Variants in PPFIA2 observed in about 807,000 individuals in gnomAD.
PPFIA2 encodes liprin-alpha-2.
Under a neutral mutation model 175.5 loss-of-function variants are expected in PPFIA2, and 46 were observed. The observed-to-expected ratio is 0.26, with a 90% CI of 0.21 to 0.34. PPFIA2 has a LOEUF of 0.34. PPFIA2 is among the 10% of genes least tolerant of loss of function. PPFIA2 has a pLI of 1.00. For missense variants in PPFIA2, 1,179 were observed against 1,506.1 expected (o/e 0.78, Z 3.60); for synonymous variants, 568 against 511.4 (o/e 1.11, Z -1.49).
chr12:81,461,288 A>T (rs1456653708), intron 4 of PPFIA2, among the ~76,000 whole-genome samples: 1 of 152,044 alleles, frequency 6.6e-6, no homozygotes, highest in Non-Finnish European at 1.5e-5. Context: ...GTGATGAATA[A>T]CTTGTTCAAG....
At chr12:81,299,852 T>C (rs2047382969) in intron 22 of PPFIA2, among the ~76,000 whole-genome samples, 1 of 152,124 alleles carries the variant, frequency 6.6e-6, no homozygotes, top group African/African-American at 2.4e-5. Context: ...TCTAGTGATG[T>C]GGTTGATTTT....
intron 22 of PPFIA2, chr12:81,312,193 G>A: frequency 6.5e-7 from 1 of 1,532,328 alleles, no homozygotes; most frequent in Non-Finnish European, 8.7e-7. Context: ...GAGAAGGACG[G>A]ATGGAAAAGA....
chr12:81,294,275 A>AC (rs1489183360), intron 24 of PPFIA2, among the ~76,000 whole-genome samples: 5 of 152,048 alleles, frequency 3.3e-5, no homozygotes, highest in Admixed American at 6.6e-5. Flanking sequence ...TTTCACATGT[A>AC]CCCCCTGAAT....
At chr12:81,311,452 G>C (rs915872165) in intron 22 of PPFIA2, among the ~76,000 whole-genome samples, 1 of 152,084 alleles carries the variant, frequency 6.6e-6, no homozygotes, top group Admixed American at 6.5e-5. Flanking sequence ...AGGTAGAGGC[G>C]GCCCGGCGTG....
intron 4 of PPFIA2, among the ~76,000 whole-genome samples, chr12:81,605,316 C>T (rs1319618699): frequency 6.6e-6 from 1 of 150,978 alleles, no homozygotes; most frequent in African/African-American, 2.4e-5. Flanking sequence ...AATGGTCATA[C>T]TGAAAGAACA....
intron 4 of PPFIA2, among the ~76,000 whole-genome samples, chr12:81,516,499 G>T (rs75058915): frequency 2.6e-5 from 4 of 152,108 alleles, no homozygotes; most frequent in Non-Finnish European, 4.4e-5. Flanking sequence ...CTTTGCAGAC[G>T]TTAAAAATAA....
intron 4 of PPFIA2, among the ~76,000 whole-genome samples, chr12:81,570,687 A>C (rs1029555190): frequency 4.0e-5 from 6 of 149,644 alleles, no homozygotes; most frequent in Admixed American, 4.0e-4. Flanking sequence ...TTAAAAAATA[A>C]TTTTATAATT....
intron 28 of PPFIA2, among the ~76,000 whole-genome samples, chr12:81,271,002 T>G (rs1467738680): frequency 6.6e-6 from 1 of 152,214 alleles, no homozygotes; most frequent in Non-Finnish European, 1.5e-5. Context: ...AGAATCACAG[T>G]AGCTTTGGTT....
At chr12:81,638,116 T>C (rs537804809) in intron 4 of PPFIA2, among the ~76,000 whole-genome samples, 4 of 152,298 alleles carry the variant, frequency 2.6e-5, no homozygotes, top group African/African-American at 9.6e-5. Context: ...TTATTCTTCC[T>C]TCTTCTTGTC....
At chr12:81,741,440 T>C (rs1379336232) in intron 3 of PPFIA2, among the ~76,000 whole-genome samples, 1 of 152,162 alleles carries the variant, frequency 6.6e-6, no homozygotes, top group East Asian at 1.9e-4. Context: ...ATTTATTTAG[T>C]ATTTTTTTTA....
At chr12:81,478,442 C>A (rs925854494) in intron 4 of PPFIA2, among the ~76,000 whole-genome samples, 8 of 152,112 alleles carry the variant, frequency 5.3e-5, no homozygotes, top group Admixed American at 5.2e-4. Context: ...TATTTCTTGT[C>A]TTCTGCTAGG....
At chr12:81,547,625 G>T (rs1013059455) in intron 4 of PPFIA2, among the ~76,000 whole-genome samples, 1 of 151,986 alleles carries the variant, frequency 6.6e-6, no homozygotes, top group Non-Finnish European at 1.5e-5. Flanking sequence ...AAATGAATCA[G>T]TGCTACATTT....
chr12:81,640,564 T>C (rs1567677985), intron 4 of PPFIA2, among the ~76,000 whole-genome samples: 2 of 152,154 alleles, frequency 1.3e-5, no homozygotes, highest in Non-Finnish European at 2.9e-5. Context: ...TGGGGATCTT[T>C]ATCTATGACT....
intron 3 of PPFIA2, among the ~76,000 whole-genome samples, chr12:81,720,314 T>G (rs1469050413): frequency 6.6e-6 from 1 of 151,510 alleles, no homozygotes; most frequent in African/African-American, 2.4e-5. Context: ...GGGGAAAAAT[T>G]GCTTTAAATT....
chr12:81,704,320 G>A (rs1168534651), intron 3 of PPFIA2, among the ~76,000 whole-genome samples: 6 of 152,078 alleles, frequency 3.9e-5, no homozygotes, highest in Non-Finnish European at 8.8e-5. Flanking sequence ...ATTGAACCCA[G>A]TACCTATTCT....
At position 81,299,091 on chromosome 12, in the gene PPFIA2, T is replaced by C. The variant is rs537581978; in HGVS notation, c.2724+210A>G. 3.3e-5 allele frequency among the ~76,000 whole-genome samples: 5 copies of C among 152,312 alleles called. No homozygotes were observed. In the East Asian group the frequency reaches 7.7e-4, roughly 24 times the overall value. ...AGGGTGTGATTTAGAGACACTTCCT[T>C]TTATCCCACTGCATGATTTCTTCTA... On this transcript the variant is annotated intron_variant, in intron 23 of 32. Transcript: ENST00000549396.
rs753312080 is a variant in PPFIA2 at position 81,375,860 on chromosome 12, G to A, written c.1067C>T (p.Ser356Phe). The A allele has an allele frequency of 6.2e-7, 1 of 1,607,706 alleles. No homozygotes were observed. Among genetic ancestry groups the A allele is most frequent in the Non-Finnish European group, 8.5e-7 (1 of 1,174,406 alleles). Reference sequence around the variant, plus strand: ...TAGTTTATCATTCATGTCATGTATGGAGGTAGATTCTCTCTGAGCACTGAG... The same window carrying A: ...TAGTTTATCATTCATGTCATGTATGAAGGTAGATTCTCTCTGAGCACTGAG... ...RYLSAQREST[S>F]IHDMNDKLEN... The change falls in exon 10 of 33, where the codon TCC becomes TTC. Residue 356 changes from serine to phenylalanine, a missense_variant. Around this residue, in one of 10 missense-constraint regions of PPFIA2, gnomAD observed 226 missense variants for 216.6 expected, o/e 1.04. Coordinates refer to ENST00000549396, the MANE Select transcript of PPFIA2 (RefSeq NM_003625.5).
intron 3 of PPFIA2, among the ~76,000 whole-genome samples, chr12:81,684,479 T>C (rs982459292): frequency 4.6e-5 from 7 of 152,238 alleles, no homozygotes; most frequent in East Asian, 1.9e-4. Flanking sequence ...TAACTACTTA[T>C]TGAATAATAC....
Position 81,309,945 on chromosome 12 carries a change from C to T in PPFIA2, c.2643-10563G>A, listed in dbSNP as rs185052961. 5.2e-3 allele frequency among the ~76,000 whole-genome samples: 791 copies of T among 152,104 alleles called. 22 individuals carry two copies. The highest frequency in any genetic ancestry group is 1.5e-3 in the Non-Finnish European group (102 of 67,914). On this transcript the variant is annotated intron_variant, in intron 22 of 32. Coordinates refer to ENST00000549396, the MANE Select transcript of PPFIA2 (RefSeq NM_003625.5). ...ATTGAAAATGAGAGGGGCTTATATT[C>T]CTCCCCATTAAACAATTTCACTTTT...
Sources: gnomAD v4.1 joint callset for allele counts (sites outside exome capture counted in the v4.1 genomes callset) on GRCh38, gnomAD v4.1.1 for gene constraint, gnomAD v4.1.1 regional missense constraint, MANE v1.5 for transcripts, NCBI Gene and HGNC (gene_info 2026-07-23, HGNC 2026-07-21) for gene names.